The following NEDD4 variants were observed in gnomAD, a reference collection of about 807,000 sequenced individuals.
The protein encoded by NEDD4 is NEDD4 E3 ubiquitin protein ligase.
A neutral mutation model predicts 144.9 loss-of-function variants in NEDD4; 99 were observed. The ratio of observed to expected loss-of-function variants is 0.68; its 90% CI spans 0.58 to 0.81. The LOEUF is 0.81. Among genes scored for constraint, NEDD4 ranks in the 30% least tolerant of loss-of-function variants. The pLI is 0.00. For synonymous variants in NEDD4, 318 were observed against 350.6 expected (o/e 0.91, Z 1.04); for missense variants, 985 against 1,065.9 (o/e 0.92, Z 1.06).
chr15:55,902,610 T>C (rs919532789), intron 5 of NEDD4, among the ~76,000 whole-genome samples: 1 of 152,178 alleles, frequency 6.6e-6, no homozygotes, highest in African/African-American at 2.4e-5. Context: ...CTTTCTACTT[T>C]TGTGTATGTT....
chr15:55,890,456 C>T (rs994121568), intron 5 of NEDD4, among the ~76,000 whole-genome samples: 6 of 152,012 alleles, frequency 3.9e-5, no homozygotes, highest in South Asian at 2.1e-4. Context: ...TTATATAATA[C>T]GTGGTCCTTT....
At chr15:55,855,939 C>G (rs545861523) in intron 12 of NEDD4, among the ~76,000 whole-genome samples, 192 bp downstream of exon 12, 1 of 152,262 alleles carries the variant, frequency 6.6e-6, no homozygotes, top group East Asian at 1.9e-4. Context: ...AGAGACTTTG[C>G]TTTTAACATG....
intron 5 of NEDD4, among the ~76,000 whole-genome samples, chr15:55,893,668 C>T (rs1197919026): frequency 5.3e-5 from 8 of 150,854 alleles, no homozygotes; most frequent in Admixed American, 4.6e-4. Flanking sequence ...ATAAGCAGAA[C>T]TTATATGAAT....
intron 5 of NEDD4, among the ~76,000 whole-genome samples, chr15:55,893,119 G>A (rs757161265): frequency 6.6e-6 from 1 of 152,112 alleles, no homozygotes; most frequent in Non-Finnish European, 1.5e-5. Context: ...TTTTCTGAGT[G>A]AGCCAAGAAG....
chr15:55,947,930 T>TAA (rs1441746526), intron 4 of NEDD4, among the ~76,000 whole-genome samples: 1 of 152,118 alleles, frequency 6.6e-6, no homozygotes, highest in African/African-American at 2.4e-5. Flanking sequence ...CTATTCAACA[T>TAA]AGTGTTAGAA....
chr15:55,971,159 A>C (rs964021144), intron 1 of NEDD4, among the ~76,000 whole-genome samples: 25 of 152,350 alleles, frequency 1.6e-4, no homozygotes, highest in African/African-American at 5.3e-4. Flanking sequence ...TGGCAAATTA[A>C]AGAATGCATC....
At chr15:55,991,376 T>A (rs1407073654) in intron 1 of NEDD4, among the ~76,000 whole-genome samples, 2 of 152,186 alleles carry the variant, frequency 1.3e-5, no homozygotes, top group East Asian at 3.9e-4. Flanking sequence ...CAAATGATAG[T>A]GGAGAGGGCA....
At chr15:55,878,197 TATA>T (rs1342712113) in intron 5 of NEDD4, among the ~76,000 whole-genome samples, 3 of 152,200 alleles carry the variant, frequency 2.0e-5, no homozygotes, top group East Asian at 1.9e-4. Context: ...TATAAGTGGC[TATA>T]ATAATATCAG....
rs185101185 is a variant in NEDD4, at chr15:55,903,926, G to A, written c.291+20720C>T. Among the ~76,000 whole-genome samples the A allele has an allele frequency of 5.9e-5, 9 of 151,876 alleles. No individual in the cohort carries two copies. The East Asian group carries it at 1.6e-3, about 26-fold the overall frequency. On this transcript the variant is annotated intron_variant, in intron 5 of 28. Coordinates refer to ENST00000435532, the MANE Select transcript of NEDD4 (RefSeq NM_006154.4). ...GTGAATCCCAGCACTTTGTGAGGGC[G>A]AGGTGGGAGGATCACCTGAGGTCAG... is the stretch of plus-strand genomic sequence containing the variant.
At chr15:55,974,958 T>A (rs1322851110) in intron 1 of NEDD4, among the ~76,000 whole-genome samples, 5 of 142,320 alleles carry the variant, frequency 3.5e-5, no homozygotes, top group African/African-American at 1.0e-4. Context: ...AGTGGCACGA[T>A]CTCAGCTCAC....
chr15:55,839,254 C>T (rs2033355048), intron 21 of NEDD4, among the ~76,000 whole-genome samples: 1 of 151,990 alleles, frequency 6.6e-6, no homozygotes, highest in African/African-American at 2.4e-5. Flanking sequence ...GTCTCAAACT[C>T]CTGACCTCAA....
intron 19 of NEDD4, 108 bp from the exon 20 acceptor site, chr15:55,840,835 A>T: frequency 1.9e-6 from 2 of 1,051,452 alleles, no homozygotes; most frequent in Non-Finnish European, 1.4e-6. Flanking sequence ...TTAGAACCAC[A>T]TTCCTCCACT....
At chr15:55,845,697 C>T (rs1194830986) in intron 18 of NEDD4, among the ~76,000 whole-genome samples, 3 of 151,830 alleles carry the variant, frequency 2.0e-5, no homozygotes, top group South Asian at 4.2e-4. Flanking sequence ...AAATATTTAG[C>T]AGAACAATAA....
rs148769096 is a variant in NEDD4, at chr15:55,850,653, C to T, written c.1236G>A (p.Val412=). 2.0e-3 allele frequency: 3,275 copies of T among 1,614,108 alleles called. 37 individuals are homozygous for T. The highest frequency in any genetic ancestry group is 6.8e-4 in the Non-Finnish European group (807 of 1,180,024). Residue 412 remains valine (V), a synonymous_variant, in exon 14 of 29, where the codon GTG becomes GTA. Transcript: ENST00000435532. The part of the protein sequence containing the change: ...QASTSDSGQQ[V]TQPSEIEQGF... ...CTTGCTCAATTTCAGATGGCTGGGT[C>T]ACCTGCTGGCCTGAATCACTGGTGG...
chr15:55,977,305 T>C (rs2037721516), intron 1 of NEDD4, among the ~76,000 whole-genome samples: 1 of 152,200 alleles, frequency 6.6e-6, no homozygotes, highest in African/African-American at 2.4e-5. Context: ...GCATACAGTA[T>C]TCAGTACAGT....
At chr15:55,843,587 A>G (rs1001650929) in intron 18 of NEDD4, among the ~76,000 whole-genome samples, 17 of 152,344 alleles carry the variant, frequency 1.1e-4, no homozygotes, top group African/African-American at 3.4e-4. Flanking sequence ...CATGCCATCA[A>G]TATTCTGTCA....
chr15:55,856,589 T>C (rs17819276), intron 11 of NEDD4, among the ~76,000 whole-genome samples: 32,122 of 152,126 alleles, frequency 0.21, 3,750 homozygotes, highest in Non-Finnish European at 0.26. Flanking sequence ...CTTCCTTAAG[T>C]CCATTCTCCA....
At chr15:55,874,107 T>C in intron 5 of NEDD4, 99 bp from the exon 6 acceptor site, 1 of 633,800 alleles carries the variant, frequency 1.6e-6, no homozygotes, top group South Asian at 2.7e-5. Context: ...ATGTAGAGTT[T>C]TTTTTTTATT....
chr15:55,913,684 A>C (rs1595837055), intron 5 of NEDD4, among the ~76,000 whole-genome samples: 1 of 152,066 alleles, frequency 6.6e-6, no homozygotes, highest in African/African-American at 2.4e-5. Context: ...AAATAAAACC[A>C]GTAACAGTGG....
Sources: allele counts gnomAD v4.1 joint callset (sites outside exome capture counted in the v4.1 genomes callset), GRCh38; gene constraint gnomAD v4.1.1; transcripts MANE v1.5; gene names NCBI Gene and HGNC (gene_info 2026-07-23, HGNC 2026-07-21).